Variants in EPB41 observed in about 807,000 individuals in gnomAD.
The protein encoded by EPB41 is erythrocyte membrane protein band 4.1.
In EPB41, 65 loss-of-function variants were observed where a neutral mutation model predicts 108.0. That is an observed-to-expected ratio of 0.60 (90% CI 0.49 to 0.74). EPB41 has a LOEUF of 0.74. EPB41 is among the 30% of genes least tolerant of loss of function. EPB41 has a pLI of 0.00. For synonymous variants in EPB41, 336 were observed against 358.9 expected (o/e 0.94, Z 0.72); for missense variants, 875 against 1,037.0 (o/e 0.84, Z 2.15).
intron 11 of EPB41, among the ~76,000 whole-genome samples, chr1:29,050,391 A>T (rs180844038): frequency 6.6e-6 from 1 of 152,280 alleles, no homozygotes; most frequent in African/African-American, 2.4e-5. Flanking sequence ...AAAATAACAC[A>T]TGGTGAAAGC....
intron 1 of EPB41, among the ~76,000 whole-genome samples, chr1:28,944,534 G>GTTTTTTTTTTTTTTTT (rs55849161): frequency 5.1e-5 from 5 of 97,398 alleles, no homozygotes; most frequent in East Asian, 2.7e-4. Flanking sequence ...CTCAGATCTG[G>GTTTTTTTTTTTTTTTT]TTTTTTTTTT....
chr1:28,997,461 G>A, intron 4 of EPB41, 142 bp downstream of exon 4: 1 of 666,694 alleles, frequency 1.5e-6, no homozygotes, highest in Non-Finnish European at 2.7e-6. Flanking sequence ...AGATTTTCCT[G>A]CTATTTTTCT....
At chr1:29,097,508 T>C (rs1403116806) in intron 16 of EPB41, 1 of 413,114 alleles carries the variant, frequency 2.4e-6, no homozygotes, top group Non-Finnish European at 4.5e-6. Context: ...ATATTCAAAT[T>C]CTGAAGGTCA....
rs909118847 is a variant in EPB41, at chr1:28,915,449, C to T, written c.-8+681C>T. On this transcript the variant is annotated intron_variant, in intron 1 of 20. Coordinates refer to ENST00000343067, the MANE Select transcript of EPB41 (RefSeq NM_001376013.1). ...CCTGTGGAGAGGCCGGGTCTGGGCT[C>T]GCCCTCCGAGATTGACCAGCAGGCC... Among the ~76,000 whole-genome samples the T allele has an allele frequency of 3.9e-5, 6 of 152,248 alleles. No individual in the cohort carries two copies. The South Asian group carries it at 6.2e-4, about 16-fold the overall frequency.
intron 4 of EPB41, among the ~76,000 whole-genome samples, chr1:29,004,008 C>A (rs537761329): frequency 6.6e-6 from 1 of 152,342 alleles, no homozygotes; most frequent in African/African-American, 2.4e-5. Flanking sequence ...GGTGATCCAA[C>A]TGCCTTGCCT....
At chr1:29,036,745 G>A (rs1204030465) in intron 10 of EPB41, among the ~76,000 whole-genome samples, 3 of 149,550 alleles carry the variant, frequency 2.0e-5, no homozygotes, top group Non-Finnish European at 3.0e-5. Context: ...GGCGGATCTC[G>A]GCTCACTGCA....
At chr1:29,089,317 A>G (rs913919262) in intron 16 of EPB41, among the ~76,000 whole-genome samples, 4 of 152,236 alleles carry the variant, frequency 2.6e-5, no homozygotes, top group African/African-American at 9.6e-5. Flanking sequence ...TTTTAGTTAC[A>G]GAATAGCACA....
At chr1:28,904,187 T>A (rs1227131907) in intron 1 of EPB41, among the ~76,000 whole-genome samples, 75 of 150,398 alleles carry the variant, frequency 5.0e-4, no homozygotes, top group East Asian at 4.9e-3. Context: ...TTTTTTTTTT[T>A]AAACTTTTTC....
intron 1 of EPB41, among the ~76,000 whole-genome samples, chr1:28,962,418 T>C (rs112177503): frequency 4.2e-4 from 64 of 152,280 alleles, no homozygotes; most frequent in African/African-American, 1.5e-3. Context: ...CATCAACCTA[T>C]ATAATTCATA....
chr1:29,058,903 G>T, intron 14 of EPB41, 51 bp downstream of exon 14: 1 of 1,409,136 alleles, frequency 7.1e-7, no homozygotes, highest in South Asian at 1.2e-5. Context: ...CACCCATGCT[G>T]ACTTACAGTG....
chr1:28,982,387 C>G (rs141622509), intron 1 of EPB41: 1 of 727,216 alleles, frequency 1.4e-6, no homozygotes, highest in South Asian at 1.4e-5. Context: ...ATTGTAGTTA[C>G]AAACTTTCGC....
At chr1:29,099,425 A>G (rs1402387560) in intron 17 of EPB41, among the ~76,000 whole-genome samples, 1 of 152,076 alleles carries the variant, frequency 6.6e-6, no homozygotes, top group Non-Finnish European at 1.5e-5. Context: ...TCCCAGGCTC[A>G]AGCAGTTCTC....
intron 16 of EPB41, among the ~76,000 whole-genome samples, chr1:29,084,789 GA>G (rs1658118884): frequency 6.6e-6 from 1 of 152,144 alleles, no homozygotes; most frequent in East Asian, 1.9e-4. Flanking sequence ...GAATATTTAT[GA>G]AATAGCCTCA....
intron 5 of EPB41, among the ~76,000 whole-genome samples, 184 bp from the exon 6 acceptor site, chr1:29,015,508 G>T (rs1282204168): frequency 6.6e-6 from 1 of 151,308 alleles, no homozygotes; most frequent in African/African-American, 2.4e-5. Context: ...GGTGAGCAGA[G>T]ATCACGCTAG....
rs1670718951 is a variant in EPB41, at chr1:29,115,725, A to C, written c.2523A>C (p.Ala841=). The C allele has an allele frequency of 6.2e-7, 1 of 1,613,958 alleles. No homozygotes were observed. The highest frequency in any genetic ancestry group is 1.3e-5 in the African/African-American group (1 of 74,936). ...TCCTTGTACAAGCCATCAAGGAGGC[A>C]AAGGAGCAGCACCCAGACATGTCAG... The part of the protein sequence containing the change: ...DQVLVQAIKE[A]KEQHPDMSVT... The change falls in exon 20 of 21, where the codon GCA becomes GCC. Residue 841 remains alanine, a synonymous_variant. Coordinates refer to ENST00000343067, the MANE Select transcript of EPB41 (RefSeq NM_001376013.1). The surrounding 1 kb of genome is among the most constrained non-coding windows in gnomAD (Gnocchi z 4.4).
At chr1:29,013,279 C>T (rs1035736843) in intron 5 of EPB41, among the ~76,000 whole-genome samples, 1 of 150,748 alleles carries the variant, frequency 6.6e-6, no homozygotes, top group Non-Finnish European at 1.5e-5. Flanking sequence ...GAGCCGAGAT[C>T]GCGCCACTGC....
intron 15 of EPB41, among the ~76,000 whole-genome samples, chr1:29,062,735 G>T (rs1185692338): frequency 1.3e-5 from 2 of 150,386 alleles, no homozygotes; most frequent in African/African-American, 4.9e-5. Flanking sequence ...ATAAGGTCGA[G>T]TTCATTTTTA....
chr1:28,905,030 C>CA (rs1221262969), intron 1 of EPB41, among the ~76,000 whole-genome samples: 12,757 of 72,188 alleles, frequency 0.18, 1,119 homozygotes, highest in East Asian at 0.44. Flanking sequence ...GACTCTGTCT[C>CA]AAAAAAAAAA....
At chr1:29,066,296 G>A (rs1647753397) in intron 16 of EPB41, among the ~76,000 whole-genome samples, 1 of 151,980 alleles carries the variant, frequency 6.6e-6, no homozygotes, top group African/African-American at 2.4e-5. Flanking sequence ...GCACATGCCT[G>A]TAATCCCAGC....
Sources: allele counts gnomAD v4.1 joint callset (sites outside exome capture counted in the v4.1 genomes callset), GRCh38; gene constraint gnomAD v4.1.1; non-coding constraint Gnocchi (gnomAD v3.1); transcripts MANE v1.5; gene names NCBI Gene and HGNC (gene_info 2026-07-23, HGNC 2026-07-21).